Variants in SLC7A14 observed in about 807,000 individuals in gnomAD.
SLC7A14 encodes gamma-aminobutyric acid transporter SLC7A14.
Under a neutral mutation model 60.2 loss-of-function variants are expected in SLC7A14, and 37 were observed. The observed-to-expected ratio is 0.61, with a 90% CI of 0.47 to 0.81. The LOEUF is 0.81. SLC7A14 is among the 30% of genes least tolerant of loss of function. The pLI is 0.00. For synonymous variants in SLC7A14, 399 were observed against 395.8 expected (o/e 1.01, Z -0.10); for missense variants, 886 against 982.7 (o/e 0.90, Z 1.32).
In SLC7A14 at chr3:170,501,143, C is replaced by G. The variant is rs924641793; in HGVS notation, c.507G>C (p.Trp169Cys). 6.2e-6 allele frequency: 10 copies of G among 1,614,238 alleles called. No individual in the cohort carries two copies. The highest frequency in any genetic ancestry group is 6.8e-6 in the Non-Finnish European group (8 of 1,180,042). The change falls in exon 3 of 8, where the codon TGG becomes TGC. Residue 169 changes from tryptophan (W) to cysteine (C), a missense_variant. Trp to Cys is a radical substitution (Grantham distance 215). Transcript: ENST00000231706. Reference protein sequence around the residue: ...DSLANHTISRWMADSVGTLNG... With the variant: ...DSLANHTISRCMADSVGTLNG... Reference sequence around the variant, plus strand: ...TGAGGGTTCCCACGCTGTCCGCCATCCAGCGGCTGATGGTGTGGTTGGCTA... The same window carrying G: ...TGAGGGTTCCCACGCTGTCCGCCATGCAGCGGCTGATGGTGTGGTTGGCTA...
At chr3:170,482,976 C>G (rs1050133509) in intron 6 of SLC7A14, among the ~76,000 whole-genome samples, 5 of 151,788 alleles carry the variant, frequency 3.3e-5, no homozygotes, top group African/African-American at 4.8e-5. Context: ...GAGGGCAGGC[C>G]TAAGATGTCC....
rs923391476 is a variant in SLC7A14, at chr3:170,459,926, T to G, written c.*7129A>C. 2.0e-5 allele frequency: 3 copies of G among 152,238 alleles called. No homozygotes were observed. Among genetic ancestry groups the G allele is most frequent in the Non-Finnish European group, 4.4e-5 (3 of 68,042 alleles). 9.4% of individuals were successfully genotyped at this position (152,238 alleles called of 1,614,324 possible). On this transcript the variant is annotated 3_prime_UTR_variant, in exon 8 of 8. Transcript: ENST00000231706. The stretch of plus-strand genomic sequence containing the variant: ...AGGCACACAATAAAGCTTTATGCAT[T>G]TATTAAAATATACACATTTTGTTAA...
At chr3:170,565,120 AAG>A (rs1336195279) in intron 1 of SLC7A14, among the ~76,000 whole-genome samples, 2 of 152,160 alleles carry the variant, frequency 1.3e-5, no homozygotes, top group Admixed American at 1.3e-4. Flanking sequence ...TTTCACAAGA[AAG>A]AGAACCAAGT....
chr3:170,503,476 G>A (rs141936305), intron 2 of SLC7A14, among the ~76,000 whole-genome samples: 10 of 152,234 alleles, frequency 6.6e-5, no homozygotes, highest in South Asian at 4.2e-4. Flanking sequence ...TTGCACATAC[G>A]GATTAGGTTG....
Position 170,533,650 on chromosome 3 carries a change from A to AGTGTGTGTGTGT in SLC7A14, c.-152-6574_-152-6563dup, listed in dbSNP as rs55850380. 1.4e-3 allele frequency among the ~76,000 whole-genome samples: 215 copies of AGTGTGTGTGTGT among 149,066 alleles called. 1 individual carries two copies. Among genetic ancestry groups the AGTGTGTGTGTGT allele is most frequent in the African/African-American group, 4.8e-3 (198 of 40,870 alleles). On this transcript the variant is annotated intron_variant, in intron 1 of 7. Transcript: ENST00000231706. ...GAGATGTTTTTGATCCATCTGGCCC[A>AGTGTGTGTGTGT]GTGTGTGTGTGTGTGTGTGTGTGTG...
In SLC7A14 at chr3:170,505,923, T is replaced by C. The variant is rs141584026; in HGVS notation, c.305-4578A>G. Among the ~76,000 whole-genome samples the C allele has an allele frequency of 3.6e-4, 55 of 152,198 alleles. 1 individual carries two copies. The highest frequency in any genetic ancestry group is 7.5e-4 in the Non-Finnish European group (51 of 68,008). On this transcript the variant is annotated intron_variant, in intron 2 of 7. Coordinates refer to ENST00000231706, the MANE Select transcript of SLC7A14 (RefSeq NM_020949.3). ...AAGAGAGATTAACATATAAATAATA[T>C]TTACTTAATTTGGTGAATCCATTAA...
At chr3:170,476,356 C>A (rs1711615898) in intron 7 of SLC7A14, among the ~76,000 whole-genome samples, 1 of 152,204 alleles carries the variant, frequency 6.6e-6, no homozygotes, top group African/African-American at 2.4e-5. Flanking sequence ...ACTAGCAGTC[C>A]TTCCCAAATG....
chr3:170,467,608 A>C (rs1739756631), intron 7 of SLC7A14, among the ~76,000 whole-genome samples: 1 of 152,194 alleles, frequency 6.6e-6, no homozygotes, highest in Non-Finnish European at 1.5e-5. Context: ...TTTTCCTAGA[A>C]AAGTCAAAAG....
At chr3:170,506,915 T>A (rs1712797666) in intron 2 of SLC7A14, among the ~76,000 whole-genome samples, 1 of 152,208 alleles carries the variant, frequency 6.6e-6, no homozygotes, top group Non-Finnish European at 1.5e-5. Flanking sequence ...GTACAGTTTA[T>A]ATAATATGAT....
Position 170,526,685 on chromosome 3 carries a change from T to C in SLC7A14, c.252A>G (p.Gly84=), listed in dbSNP as rs777053902. The C allele has an allele frequency of 6.2e-6, 10 of 1,614,184 alleles. No homozygotes were observed. In the South Asian group the frequency reaches 1.1e-4, roughly 18 times the overall value. The part of the protein sequence containing the change: ...VSGLVAKEMA[G]PGVIVSFIIA... Reference sequence around the variant, plus strand: ...TGATGAAGGACACAATGACACCAGGTCCTGCCATTTCCTTGGCCACCAGGC... The same window carrying C: ...TGATGAAGGACACAATGACACCAGGCCCTGCCATTTCCTTGGCCACCAGGC... The change falls in exon 2 of 8, where the codon GGA becomes GGG. Residue 84 remains glycine, a synonymous_variant. Coordinates refer to ENST00000231706, the MANE Select transcript of SLC7A14 (RefSeq NM_020949.3).
chr3:170,496,584 G>A (rs1577513141), intron 4 of SLC7A14: 1 of 1,597,250 alleles, frequency 6.3e-7, no homozygotes, highest in East Asian at 2.2e-5. Flanking sequence ...ACTGGCCCTG[G>A]ACATGGAGAT....
intron 1 of SLC7A14, among the ~76,000 whole-genome samples, chr3:170,543,440 G>C (rs143232261): frequency 6.6e-6 from 1 of 152,052 alleles, no homozygotes; most frequent in East Asian, 2.0e-4. Flanking sequence ...ACCTGAGGTT[G>C]GGAGTTTGAG....
intron 1 of SLC7A14, among the ~76,000 whole-genome samples, chr3:170,540,739 C>T (rs1354014625): frequency 6.6e-6 from 1 of 152,200 alleles, no homozygotes; most frequent in Non-Finnish European, 1.5e-5. Context: ...ACAGCCCTTG[C>T]TCACAAAGGA....
At chr3:170,530,894 G>A (rs868786066) in intron 1 of SLC7A14, among the ~76,000 whole-genome samples, 2 of 152,158 alleles carry the variant, frequency 1.3e-5, no homozygotes, top group African/African-American at 4.8e-5. Context: ...GAGGCCCTGC[G>A]GCAGGTTGTG....
intron 1 of SLC7A14, among the ~76,000 whole-genome samples, chr3:170,531,152 G>A (rs1006756648): frequency 2.0e-5 from 3 of 152,134 alleles, no homozygotes; most frequent in Non-Finnish European, 4.4e-5. Flanking sequence ...GAGGTTCCCT[G>A]CCCCATGCCA....
At chr3:170,477,858 T>C (rs1300553484) in intron 7 of SLC7A14, among the ~76,000 whole-genome samples, 1 of 152,228 alleles carries the variant, frequency 6.6e-6, no homozygotes, top group African/African-American at 2.4e-5. Flanking sequence ...TACTAGACAC[T>C]GAAGGCCCTT....
At chr3:170,572,349 C>A (rs1247633120) in intron 1 of SLC7A14, among the ~76,000 whole-genome samples, 1 of 152,008 alleles carries the variant, frequency 6.6e-6, no homozygotes. Context: ...AGAACTTGGG[C>A]CAGTCATTCA....
intron 7 of SLC7A14, among the ~76,000 whole-genome samples, chr3:170,469,729 AT>A (rs1364599089): frequency 2.6e-5 from 4 of 152,140 alleles, no homozygotes; most frequent in Non-Finnish European, 5.9e-5. Flanking sequence ...CAGATGCCAA[AT>A]ATTGCCTCCT....
At chr3:170,567,769 G>C (rs1714835060) in intron 1 of SLC7A14, among the ~76,000 whole-genome samples, 2 of 152,108 alleles carry the variant, frequency 1.3e-5, no homozygotes, top group Admixed American at 1.3e-4. Context: ...GTGATGGTGA[G>C]CGTTTTTTCA....
Sources: gnomAD v4.1 joint callset for allele counts (sites outside exome capture counted in the v4.1 genomes callset) on GRCh38, gnomAD v4.1.1 for gene constraint, MANE v1.5 for transcripts, NCBI Gene and HGNC (gene_info 2026-07-23, HGNC 2026-07-21) for gene names.